Variants in KCNU1 observed in about 807,000 individuals in gnomAD.
KCNU1 encodes potassium channel subfamily U member 1.
A neutral mutation model predicts 126.8 loss-of-function variants in KCNU1; 93 were observed. The observed-to-expected ratio is 0.73, with a 90% CI of 0.62 to 0.87. KCNU1 has a LOEUF of 0.87. Ranked by LOEUF, KCNU1 falls within the 40% of genes least tolerant of loss-of-function variation. KCNU1 has a pLI of 0.00. For synonymous variants in KCNU1, 523 were observed against 494.2 expected, an observed-to-expected ratio of 1.06 and a Z score of -0.77; for missense variants, 1,330 against 1,367.1, an observed-to-expected ratio of 0.97 and a Z score of 0.43.
chr8:36,899,721 C>T (rs1486637646), intron 19 of KCNU1, among the ~76,000 whole-genome samples: 1 of 152,058 alleles, frequency 6.6e-6, no homozygotes, highest in Non-Finnish European at 1.5e-5. Flanking sequence ...GTCTTCTCTT[C>T]CATTAAACAT....
intron 19 of KCNU1, among the ~76,000 whole-genome samples, chr8:36,866,975 G>T (rs557925928): frequency 2.0e-5 from 3 of 152,128 alleles, no homozygotes; most frequent in African/African-American, 7.2e-5. Context: ...AAAATATCAC[G>T]TGTATCCCAT....
intron 18 of KCNU1, among the ~76,000 whole-genome samples, chr8:36,859,553 C>T (rs560575428): frequency 2.0e-5 from 3 of 152,290 alleles, no homozygotes; most frequent in African/African-American, 7.2e-5. Context: ...GTGTAATCAT[C>T]TCCAAAGAGG....
intron 23 of KCNU1, 122 bp from the exon 24 acceptor site, chr8:36,922,368 G>A: frequency 9.7e-7 from 1 of 1,035,380 alleles, no homozygotes; most frequent in African/African-American, 1.6e-5. Context: ...TGATCCCACA[G>A]AGACCCCAAA....
chr8:36,823,503 T>C (rs934776053), intron 10 of KCNU1, among the ~76,000 whole-genome samples: 13 of 152,154 alleles, frequency 8.5e-5, no homozygotes, highest in African/African-American at 3.1e-4. Flanking sequence ...GTTTATATCA[T>C]TGCGGCAAAT....
At chr8:36,802,575 G>A (rs1803351293) in intron 2 of KCNU1, among the ~76,000 whole-genome samples, 1 of 152,134 alleles carries the variant, frequency 6.6e-6, no homozygotes, top group African/African-American at 2.4e-5. Flanking sequence ...GGGGAATCTG[G>A]GAGGATAATA....
chr8:36,880,930 CTTGGGG>C (rs1424976078), intron 19 of KCNU1, among the ~76,000 whole-genome samples: 1 of 151,972 alleles, frequency 6.6e-6, no homozygotes, highest in African/African-American at 2.4e-5. Flanking sequence ...TGTTGTTGGG[CTTGGGG>C]ATGGGACATG....
intron 19 of KCNU1, among the ~76,000 whole-genome samples, chr8:36,885,827 G>A (rs1233884987): frequency 6.6e-6 from 1 of 151,962 alleles, no homozygotes; most frequent in Non-Finnish European, 1.5e-5. Flanking sequence ...AATACAATCA[G>A]AGCATTCTCC....
At chr8:36,922,110 A>C (rs555875510) in intron 23 of KCNU1, among the ~76,000 whole-genome samples, 1 of 152,312 alleles carries the variant, frequency 6.6e-6, no homozygotes, top group African/African-American at 2.4e-5. Flanking sequence ...AACTGGGGTG[A>C]CCATGTGTTC....
At chr8:36,934,108 C>A (rs1007857765) in intron 26 of KCNU1, among the ~76,000 whole-genome samples, 14 of 152,010 alleles carry the variant, frequency 9.2e-5, no homozygotes, top group African/African-American at 3.4e-4. Flanking sequence ...AAGTTGTAGT[C>A]AGCTGTGTGA....
At chr8:36,827,072 T>C (rs138625005) in intron 10 of KCNU1, among the ~76,000 whole-genome samples, 1 of 152,204 alleles carries the variant, frequency 6.6e-6, no homozygotes, top group African/African-American at 2.4e-5. Context: ...TCTTACATTA[T>C]GCACTGATTC....
chr8:36,829,569 TTTA>T (rs1804453394), intron 10 of KCNU1, among the ~76,000 whole-genome samples: 1 of 150,148 alleles, frequency 6.7e-6, no homozygotes, highest in African/African-American at 2.4e-5. Flanking sequence ...CTTTTTACCT[TTTA>T]TTTTTTTTTA....
intron 21 of KCNU1, 82 bp downstream of exon 21, chr8:36,909,617 G>T: frequency 1.2e-6 from 1 of 833,256 alleles, no homozygotes; most frequent in Non-Finnish European, 1.9e-6. Context: ...TAATATTGCA[G>T]TTCTACAGTC....
At chr8:36,840,398 A>G (rs1804903812) in intron 14 of KCNU1, 65 bp from the exon 15 acceptor site, 7 of 758,070 alleles carry the variant, frequency 9.2e-6, no homozygotes, top group South Asian at 3.1e-5. Flanking sequence ...AGAATATGCA[A>G]TGTGAATTCT....
At chr8:36,868,456 C>T (rs1043753692) in intron 19 of KCNU1, among the ~76,000 whole-genome samples, 1 of 151,948 alleles carries the variant, frequency 6.6e-6, no homozygotes, top group Non-Finnish European at 1.5e-5. Flanking sequence ...ATTCACAAAC[C>T]AAAAGCAACA....
chr8:36,935,592 C>T lies in KCNU1; in HGVS notation c.3122C>T (p.Thr1041Ile). 1.2e-6 allele frequency: 2 copies of T among 1,613,212 alleles called. No individual in the cohort carries two copies. The highest frequency in any genetic ancestry group is 1.7e-6 in the Non-Finnish European group (2 of 1,179,378). The change falls in exon 27 of 27, where the codon ACT becomes ATT. Residue 1041 changes from threonine to isoleucine, a missense_variant. By Grantham distance (89) the Thr-to-Ile change is moderately conservative (BLOSUM62 -1). Transcript: ENST00000399881. Reference sequence around the variant, plus strand: ...GTGTTTTGTGCCATACCCTTCAGCACTGCTTGTTATAAAAGGAATGAAGAG... The same window carrying T: ...GTGTTTTGTGCCATACCCTTCAGCATTGCTTGTTATAAAAGGAATGAAGAG... Reference protein sequence around the residue: ...DLVFCAIPFSTACYKRNEEFS... With the variant: ...DLVFCAIPFSIACYKRNEEFS...
At chr8:36,916,269 G>T (rs1456746049) in intron 22 of KCNU1, among the ~76,000 whole-genome samples, 2 of 147,056 alleles carry the variant, frequency 1.4e-5, no homozygotes, top group African/African-American at 5.0e-5. Flanking sequence ...GGAAGGAAAG[G>T]AAGGAAGGAA....
rs550026922 is a variant in KCNU1, at chr8:36,935,683, C to T, written c.3213C>T (p.Asp1071=). The change falls in exon 27 of 27, where the codon GAC becomes GAT. Residue 1071 remains aspartate, a synonymous_variant. Transcript: ENST00000399881. The part of the protein sequence containing the change: ...KASQTTETHS[D]TNCPPTIDSV... ...CACAGACAACAGAGACACATTCAGA[C>T]ACAAATTGTCCTCCCACCATTGATT... 43 of 1,613,342 alleles carry T rather than the reference C, an allele frequency of 2.7e-5. No individual in the cohort carries two copies. Among genetic ancestry groups the T allele is most frequent in the East Asian group, 4.5e-5 (2 of 44,850 alleles).
In KCNU1 at chr8:36,826,975, C is replaced by T. The variant is rs191928886; in HGVS notation, c.1107-6579C>T. Among the ~76,000 whole-genome samples the T allele has an allele frequency of 4.4e-3, 672 of 152,312 alleles. 7 individuals carry two copies. Among genetic ancestry groups the T allele is most frequent in the African/African-American group, 0.015 (637 of 41,574 alleles). Reference sequence around the variant, plus strand: ...GCTAGTTTTCAATAACTGAATGCCTCACGTCTTTGATTTTACTGGCTGTGG... The same window carrying T: ...GCTAGTTTTCAATAACTGAATGCCTTACGTCTTTGATTTTACTGGCTGTGG... On this transcript the variant is annotated intron_variant, in intron 10 of 26. Transcript: ENST00000399881.
chr8:36,935,620 C>A lies in KCNU1; in HGVS notation c.3150C>A (p.Phe1050Leu). The A allele has an allele frequency of 6.2e-7, 1 of 1,613,236 alleles. No homozygotes were observed. Among genetic ancestry groups the A allele is most frequent in the African/African-American group, 1.3e-5 (1 of 74,980 alleles). ...CTTGTTATAAAAGGAATGAAGAGTT[C>A]TCATTGCAAAAGTCATATGAAATTG... ...STACYKRNEE[F>L]SLQKSYEIVN... Residue 1050 changes from phenylalanine to leucine, a missense_variant, in exon 27 of 27, where the codon TTC (phenylalanine) becomes TTA (leucine). Physicochemically the swap from Phe to Leu is conservative, Grantham distance 22 (BLOSUM62 0). Transcript: ENST00000399881.
Sources: gnomAD v4.1 joint callset for allele counts (sites outside exome capture counted in the v4.1 genomes callset) on GRCh38, gnomAD v4.1.1 for gene constraint, MANE v1.5 for transcripts, NCBI Gene and HGNC (gene_info 2026-07-23, HGNC 2026-07-21) for gene names.